C1QTNF7: variants seen among roughly 807,000 people sequenced by gnomAD.
The protein encoded by C1QTNF7 is C1q and TNF related 7, also known as complement C1q tumor necrosis factor-related protein 7.
In C1QTNF7, 15 loss-of-function variants were observed where a neutral mutation model predicts 19.6. That is an observed-to-expected ratio of 0.76 (90% CI 0.51 to 1.18). The LOEUF (loss-of-function observed/expected upper bound fraction) is 1.18. Among genes scored for constraint, C1QTNF7 ranks in the 50% most tolerant of loss-of-function variants. The pLI is 0.00. For synonymous variants in C1QTNF7, 142 were observed against 137.5 expected (o/e 1.03, Z -0.23); for missense variants, 324 against 359.7 (o/e 0.90, Z 0.80).
At chr4:15,358,549 C>T (rs185878973) in intron 1 of C1QTNF7, 1 of 152,222 alleles carries the variant, frequency 6.6e-6, no homozygotes, top group Non-Finnish European at 1.5e-5. Flanking sequence ...ATTGTTGTGT[C>T]TCTGCCAGGT....
chr4:15,422,272 C>G (rs1042943834), intron 1 of C1QTNF7, among the ~76,000 whole-genome samples: 3 of 149,588 alleles, frequency 2.0e-5, no homozygotes, highest in African/African-American at 7.4e-5. Context: ...ATCCAGATTC[C>G]TTGGGATTTG....
intron 1 of C1QTNF7, among the ~76,000 whole-genome samples, chr4:15,380,611 G>A (rs566167094): frequency 9.8e-5 from 15 of 152,318 alleles, no homozygotes; most frequent in South Asian, 4.1e-4. Context: ...GGAAGTCTGC[G>A]TATTCTGCTT....
intron 1 of C1QTNF7, among the ~76,000 whole-genome samples, chr4:15,411,944 T>A (rs1560361011): frequency 1.3e-5 from 2 of 151,970 alleles, no homozygotes; most frequent in South Asian, 4.2e-4. Context: ...AGGAGGTGAG[T>A]GGCAGGCGAG....
intron 1 of C1QTNF7, among the ~76,000 whole-genome samples, chr4:15,420,328 G>A (rs1560364349): frequency 2.0e-5 from 3 of 152,196 alleles, no homozygotes; most frequent in African/African-American, 7.2e-5. Flanking sequence ...AAATTGCTTA[G>A]GAGTTCAGTC....
At chr4:15,402,357 C>A (rs1185402751) in intron 1 of C1QTNF7, among the ~76,000 whole-genome samples, 2 of 152,176 alleles carry the variant, frequency 1.3e-5, no homozygotes, top group Non-Finnish European at 2.9e-5. Flanking sequence ...CAAAGCCCTT[C>A]TTGAAAAGTA....
intron 1 of C1QTNF7, among the ~76,000 whole-genome samples, chr4:15,377,744 A>G (rs1717994558): frequency 6.6e-6 from 1 of 152,136 alleles, no homozygotes; most frequent in African/African-American, 2.4e-5. Flanking sequence ...TCATGACTTG[A>G]AGCAAAATAT....
chr4:15,436,704 T>G (rs1420980520), intron 2 of C1QTNF7, among the ~76,000 whole-genome samples: 1 of 152,214 alleles, frequency 6.6e-6, no homozygotes, highest in South Asian at 2.1e-4. Flanking sequence ...GCTTGCCAGA[T>G]TCTGCAGTCC....
chr4:15,347,780 G>T (rs1716769710), intron 1 of C1QTNF7, among the ~76,000 whole-genome samples: 2 of 152,152 alleles, frequency 1.3e-5, no homozygotes, highest in African/African-American at 4.8e-5. Flanking sequence ...CTGATTTAAA[G>T]ACACTATTTT....
upstream of C1QTNF7, chr4:15,427,845 G>A (rs1417419079): frequency 6.3e-6 from 1 of 159,230 alleles, no homozygotes; most frequent in African/African-American, 2.4e-5. Context: ...AGGAAAGCAG[G>A]CACTTAAAGT....
intron 1 of C1QTNF7, among the ~76,000 whole-genome samples, chr4:15,351,109 A>T (rs1236739141): frequency 6.6e-6 from 1 of 152,244 alleles, no homozygotes; most frequent in Non-Finnish European, 1.5e-5. Flanking sequence ...GTGAGATAAT[A>T]TAGTGCTCTA....
At chr4:15,356,990 G>A (rs542772574) in intron 1 of C1QTNF7, among the ~76,000 whole-genome samples, 1 of 148,528 alleles carries the variant, frequency 6.7e-6, no homozygotes, top group Non-Finnish European at 1.5e-5. Flanking sequence ...GTATATTCTG[G>A]ATTTTAGCCC....
chr4:15,420,824 G>GCCTTT (rs1711712872), intron 1 of C1QTNF7, among the ~76,000 whole-genome samples: 1 of 51,290 alleles, frequency 1.9e-5, no homozygotes, highest in Admixed American at 1.9e-4. Context: ...CCACTGCTTT[G>GCCTTT]TCTTTTTTTT....
At chr4:15,344,850 A>C (rs1716662556) in intron 1 of C1QTNF7, among the ~76,000 whole-genome samples, 1 of 152,200 alleles carries the variant, frequency 6.6e-6, no homozygotes, top group South Asian at 2.1e-4. Flanking sequence ...CCTCCTGGCT[A>C]TCTGCCTTTT....
Position 15,415,570 on chromosome 4 carries a change from T to C in C1QTNF7, c.14-20166T>C, listed in dbSNP as rs149345375. Among the ~76,000 whole-genome samples, 592 of 152,068 alleles carry C rather than the reference T, an allele frequency of 3.9e-3. 1 individual carries two copies. Among genetic ancestry groups the C allele is most frequent in the Middle Eastern group, 0.024 (7 of 294 alleles). On this transcript the variant is annotated intron_variant, in intron 1 of 2. Transcript: ENST00000295297. ...CCCATAACCTCTCTGTATAGCAATATGGCTACATTAATATTTTGGTATTGG... is the reference window on the plus strand; with the variant it reads ...CCCATAACCTCTCTGTATAGCAATACGGCTACATTAATATTTTGGTATTGG...
At chr4:15,348,893 C>T (rs895739711) in intron 1 of C1QTNF7, among the ~76,000 whole-genome samples, 1 of 152,160 alleles carries the variant, frequency 6.6e-6, no homozygotes, top group Admixed American at 6.5e-5. Flanking sequence ...TCAACATGAA[C>T]AGGCATGCAC....
chr4:15,401,724 T>C (rs9991652), intron 1 of C1QTNF7, among the ~76,000 whole-genome samples: 54,419 of 151,924 alleles, frequency 0.36, 10,047 homozygotes, highest in East Asian at 0.55. Flanking sequence ...AGAAATAAGA[T>C]GAAGACCAGT....
chr4:15,350,729 A>C (rs937700758), intron 1 of C1QTNF7, among the ~76,000 whole-genome samples: 4 of 152,210 alleles, frequency 2.6e-5, no homozygotes, highest in African/African-American at 9.6e-5. Flanking sequence ...AACCAGAGAG[A>C]CTGTGGTTGT....
intron 1 of C1QTNF7, among the ~76,000 whole-genome samples, chr4:15,342,482 C>A (rs1716580062): frequency 6.6e-6 from 1 of 152,162 alleles, no homozygotes; most frequent in African/African-American, 2.4e-5. Flanking sequence ...AAAGACAGAC[C>A]AAACATTAAA....
intron 1 of C1QTNF7, among the ~76,000 whole-genome samples, chr4:15,383,921 A>G (rs1577248495): frequency 6.6e-6 from 1 of 152,240 alleles, no homozygotes. Flanking sequence ...GTTAAAAGCA[A>G]CCAGCCAGTG....
Sources: allele counts gnomAD v4.1 joint callset (sites outside exome capture counted in the v4.1 genomes callset), GRCh38; gene constraint gnomAD v4.1.1; transcripts MANE v1.5; gene names NCBI Gene and HGNC (gene_info 2026-07-23, HGNC 2026-07-21).